MTDH: variants seen among roughly 807,000 people sequenced by gnomAD.
MTDH encodes the protein protein LYRIC.
A neutral mutation model predicts 72.7 loss-of-function variants in MTDH; 34 were observed. The observed-to-expected ratio is 0.47, with a 90% CI of 0.36 to 0.62. The LOEUF is 0.62. Among genes scored for constraint, MTDH ranks in the 20% least tolerant of loss-of-function variants. The probability of loss-of-function intolerance (pLI) is 0.00; values close to 1 mark genes in which losing one functional copy is unlikely to be tolerated. For missense variants in MTDH, 677 were observed against 699.4 expected, an observed-to-expected ratio of 0.97 and a Z score of 0.36; for synonymous variants, 266 against 268.9, an observed-to-expected ratio of 0.99 and a Z score of 0.10.
chr8:97,707,614 A>G (rs1311297142), intron 8 of MTDH, among the ~76,000 whole-genome samples: 3 of 152,076 alleles, frequency 2.0e-5, no homozygotes, highest in South Asian at 2.1e-4. Flanking sequence ...CAGCTAGTCA[A>G]TTATATAGCA....
intron 8 of MTDH, among the ~76,000 whole-genome samples, 162 bp downstream of exon 8, chr8:97,706,912 CTATT>C (rs1383646823): frequency 6.6e-6 from 1 of 152,100 alleles, no homozygotes; most frequent in African/African-American, 2.4e-5. Context: ...GACCCCATCT[CTATT>C]TATAAAAATA....
intron 6 of MTDH, among the ~76,000 whole-genome samples, chr8:97,693,514 A>G (rs559537667): frequency 6.6e-6 from 1 of 152,140 alleles, no homozygotes; most frequent in South Asian, 2.1e-4. Flanking sequence ...TTGTACTTTT[A>G]GTAGAGACAG....
intron 6 of MTDH, among the ~76,000 whole-genome samples, chr8:97,697,150 A>ATATATATATTTTTTTT: frequency 1.2e-4 from 8 of 68,790 alleles, no homozygotes; most frequent in African/African-American, 6.4e-4. Context: ...ATATATATAT[A>ATATATATATTTTTTTT]TTTTTTTTTT....
intron 2 of MTDH, among the ~76,000 whole-genome samples, chr8:97,661,757 AC>A (rs1450859504): frequency 6.6e-6 from 1 of 152,116 alleles, no homozygotes; most frequent in African/African-American, 2.4e-5. Flanking sequence ...AGCCTGGGCA[AC>A]ATGGCGAAAT....
intron 2 of MTDH, among the ~76,000 whole-genome samples, chr8:97,662,540 C>T (rs1340649589): frequency 2.0e-5 from 3 of 151,724 alleles, no homozygotes; most frequent in African/African-American, 7.3e-5. Flanking sequence ...AATCCCAGCA[C>T]TTTGGGAGCC....
At chr8:97,665,852 C>G (rs1469176601) in intron 2 of MTDH, among the ~76,000 whole-genome samples, 1 of 152,070 alleles carries the variant, frequency 6.6e-6, no homozygotes, top group African/African-American at 2.4e-5. Context: ...TCTGGCCGGG[C>G]GCGGTGGCTC....
intron 6 of MTDH, among the ~76,000 whole-genome samples, chr8:97,692,220 C>A (rs904454992): frequency 6.6e-6 from 1 of 152,138 alleles, no homozygotes; most frequent in South Asian, 2.1e-4. Flanking sequence ...TGATGTAATT[C>A]AAGTTGAATA....
In MTDH at chr8:97,695,725, ATC is replaced by A. The variant is rs373118898; in HGVS notation, c.1049-4025_1049-4024del. ...GTTCAGACAGATCTATTAGGTATGA[ATC>A]TCTATTCTTCTACATGATAGCTTTT... On this transcript the variant is annotated intron_variant, in intron 6 of 11. Transcript: ENST00000336273. Among the ~76,000 whole-genome samples, 492 of 152,294 alleles carry A rather than the reference ATC, an allele frequency of 3.2e-3. 4 individuals carry two copies. Among genetic ancestry groups the A allele is most frequent in the African/African-American group, 0.011 (471 of 41,576 alleles).
At chr8:97,699,465 G>A (rs142212294) in intron 6 of MTDH, among the ~76,000 whole-genome samples, 1 of 151,888 alleles carries the variant, frequency 6.6e-6, no homozygotes, top group East Asian at 1.9e-4. Context: ...AAATTTATAG[G>A]TAACTTACCA....
At chr8:97,648,550 G>A (rs1405081514) in intron 1 of MTDH, among the ~76,000 whole-genome samples, 3 of 151,388 alleles carry the variant, frequency 2.0e-5, no homozygotes, top group African/African-American at 2.4e-5. Flanking sequence ...GTGCAGTGGC[G>A]GTTATAGCTC....
At chr8:97,655,517 A>G (rs1811934538) in intron 1 of MTDH, among the ~76,000 whole-genome samples, 1 of 152,248 alleles carries the variant, frequency 6.6e-6, no homozygotes, top group Non-Finnish European at 1.5e-5. Context: ...TTGCATCTGG[A>G]GCATTGGACC....
At chr8:97,696,555 G>A (rs1286429361) in intron 6 of MTDH, among the ~76,000 whole-genome samples, 3 of 152,072 alleles carry the variant, frequency 2.0e-5, no homozygotes, top group Non-Finnish European at 1.5e-5. Flanking sequence ...ACACATGCAA[G>A]GCCTTCCATT....
intron 6 of MTDH, among the ~76,000 whole-genome samples, chr8:97,693,057 C>T (rs533998270): frequency 2.2e-4 from 34 of 151,998 alleles, no homozygotes; most frequent in Non-Finnish European, 4.3e-4. Flanking sequence ...TTCTTAAGGA[C>T]AGAGTCTTGT....
At position 97,724,735 on chromosome 8, in the gene MTDH, C is replaced by CA; in HGVS notation, c.*67dup. The CA allele has an allele frequency of 7.8e-7, 1 of 1,277,614 alleles. No homozygotes were observed. The highest frequency in any genetic ancestry group is 1.1e-6 in the Non-Finnish European group (1 of 921,486). 79.1% of individuals were successfully genotyped at this position (1,277,614 alleles called of 1,614,324 possible). ...TGTCTTGAAGATTATGCTGTTTATG[C>CA]AATAATTTGTGAACATGTACAGAGT... On this transcript the variant is annotated 3_prime_UTR_variant, in exon 12 of 12. Coordinates refer to ENST00000336273, the MANE Select transcript of MTDH (RefSeq NM_178812.4).
intron 10 of MTDH, among the ~76,000 whole-genome samples, chr8:97,721,658 A>G (rs1437186134): frequency 6.6e-6 from 1 of 152,092 alleles, no homozygotes; most frequent in East Asian, 1.9e-4. Context: ...GAAATGATCT[A>G]CTCATCTCTC....
At chr8:97,673,827 T>C (rs949488754) in intron 2 of MTDH, among the ~76,000 whole-genome samples, 9 of 143,414 alleles carry the variant, frequency 6.3e-5, no homozygotes, top group African/African-American at 2.1e-4. Flanking sequence ...ATATAAAAAT[T>C]AGCCAGGCAT....
At chr8:97,674,829 G>C (rs995457454) in intron 2 of MTDH, among the ~76,000 whole-genome samples, 2 of 146,694 alleles carry the variant, frequency 1.4e-5, no homozygotes, top group African/African-American at 5.1e-5. Context: ...TTTTTTTCTT[G>C]AGACAGAGTC....
In MTDH at chr8:97,724,785, TAAAAC is replaced by T; in HGVS notation, c.*121_*125del. ...TTTTATATAAATTTAAACCAATTTT[TAAAAC>T]AAAACTGCGGACACCACCATAAAAA... On this transcript the variant is annotated 3_prime_UTR_variant, in exon 12 of 12. Transcript: ENST00000336273. The T allele has an allele frequency of 1.3e-6, 1 of 743,000 alleles. No homozygotes were observed. Among genetic ancestry groups the T allele is most frequent in the South Asian group, 2.7e-5 (1 of 36,862 alleles). 46.0% of individuals were successfully genotyped at this position (743,000 alleles called of 1,614,324 possible). A position where few individuals can be genotyped will look rare whatever the true frequency, so the allele number is the denominator to read the frequency against.
intron 3 of MTDH, 24 bp downstream of exon 3, chr8:97,686,776 G>C: frequency 1.3e-6 from 2 of 1,518,878 alleles, no homozygotes; most frequent in Non-Finnish European, 1.8e-6. Flanking sequence ...GGAAAGGACT[G>C]TAGAAAATTT....
Sources: allele counts gnomAD v4.1 joint callset (sites outside exome capture counted in the v4.1 genomes callset), GRCh38; gene constraint gnomAD v4.1.1; transcripts MANE v1.5; gene names NCBI Gene and HGNC (gene_info 2026-07-23, HGNC 2026-07-21).